NCKAP5: variants seen among roughly 807,000 people sequenced by gnomAD.
The protein encoded by NCKAP5 is NCK associated protein 5, also known as nck-associated protein 5.
NCKAP5 carries 92 observed loss-of-function variants against 167.0 expected under a neutral mutation model. The ratio of observed to expected loss-of-function variants is 0.55; its 90% CI spans 0.47 to 0.66. The LOEUF (loss-of-function observed/expected upper bound fraction) is 0.66. Among genes scored for constraint, NCKAP5 ranks in the 30% least tolerant of loss-of-function variants. The probability of loss-of-function intolerance (pLI) is 0.00; values close to 1 mark genes in which losing one functional copy is unlikely to be tolerated. For synonymous variants in NCKAP5, 891 were observed against 877.4 expected, an observed-to-expected ratio of 1.02 and a Z score of -0.27; for missense variants, 2,378 against 2,315.0, an observed-to-expected ratio of 1.03 and a Z score of -0.56.
chr2:133,080,472 G>A (rs2080764241), intron 6 of NCKAP5, among the ~76,000 whole-genome samples: 1 of 152,162 alleles, frequency 6.6e-6, no homozygotes, highest in Non-Finnish European at 1.5e-5. Context: ...TGTAAATAAA[G>A]TTTAATTGGA....
At chr2:133,357,146 C>T (rs762704118) in intron 3 of NCKAP5, among the ~76,000 whole-genome samples, 34 of 152,130 alleles carry the variant, frequency 2.2e-4, no homozygotes, top group Non-Finnish European at 8.8e-5. Flanking sequence ...CTAGTGGGCC[C>T]TCAAAAATAT....
intron 6 of NCKAP5, among the ~76,000 whole-genome samples, chr2:133,078,632 A>G (rs1170522215): frequency 6.6e-6 from 1 of 152,130 alleles, no homozygotes; most frequent in Non-Finnish European, 1.5e-5. Flanking sequence ...CAAGACAAGG[A>G]GAATGAGACA....
intron 11 of NCKAP5, among the ~76,000 whole-genome samples, chr2:132,837,368 T>A (rs2105399617): frequency 6.6e-6 from 1 of 152,296 alleles, no homozygotes; most frequent in African/African-American, 2.4e-5. Flanking sequence ...CTATTATTCT[T>A]ATGGCTACAC....
At chr2:133,394,122 A>C (rs1292758250) in intron 3 of NCKAP5, among the ~76,000 whole-genome samples, 1 of 152,230 alleles carries the variant, frequency 6.6e-6, no homozygotes. Context: ...ATAAGCAATA[A>C]AATGATTTGG....
intron 5 of NCKAP5, among the ~76,000 whole-genome samples, chr2:133,188,235 A>C (rs1363915946): frequency 6.6e-6 from 1 of 152,094 alleles, no homozygotes; most frequent in Non-Finnish European, 1.5e-5. Context: ...AGAGCTAACT[A>C]TCCTAAATAT....
At position 133,116,391 on chromosome 2, in the gene NCKAP5, G is replaced by A. The variant is rs557692836; in HGVS notation, c.341+13587C>T. On this transcript the variant is annotated intron_variant, in intron 6 of 19. Coordinates refer to ENST00000409261, the MANE Select transcript of NCKAP5 (RefSeq NM_207363.3). The stretch of plus-strand genomic sequence containing the variant: ...TAGTCCCAGCTACTCGGGAGGCTGA[G>A]GCAGGAGAATGGCGTGAACCCGGGA... 4.6e-4 allele frequency among the ~76,000 whole-genome samples: 57 copies of A among 122,708 alleles called. 5 individuals carry two copies. The South Asian group carries it at 7.9e-3, about 17-fold the overall frequency. 80.5% of individuals were successfully genotyped at this position (122,708 alleles called of 152,430 possible). A position where few individuals can be genotyped will look rare whatever the true frequency, so the allele number is the denominator to read the frequency against.
At chr2:133,053,130 C>T (rs180937468) in intron 6 of NCKAP5, among the ~76,000 whole-genome samples, 2 of 152,282 alleles carry the variant, frequency 1.3e-5, no homozygotes, top group East Asian at 3.9e-4. Context: ...GCCCCTCCTG[C>T]CCTTCATTTG....
At chr2:133,231,575 G>A (rs1173211803) in intron 4 of NCKAP5, among the ~76,000 whole-genome samples, 1 of 152,040 alleles carries the variant, frequency 6.6e-6, no homozygotes, top group East Asian at 1.9e-4. Context: ...GCTTTATTTG[G>A]TACTTACTTG....
chr2:133,247,053 C>T (rs1269891311), intron 4 of NCKAP5, among the ~76,000 whole-genome samples: 1 of 152,142 alleles, frequency 6.6e-6, no homozygotes, highest in East Asian at 1.9e-4. Context: ...GTTGTGAGGC[C>T]TTGCAAATAG....
intron 5 of NCKAP5, among the ~76,000 whole-genome samples, chr2:133,151,498 C>T (rs1405486370): frequency 6.6e-6 from 1 of 152,028 alleles, no homozygotes; most frequent in Non-Finnish European, 1.5e-5. Context: ...GAAAGAACAC[C>T]TCACCAAAGG....
chr2:133,287,692 A>T (rs566733176), intron 4 of NCKAP5, among the ~76,000 whole-genome samples: 1 of 152,292 alleles, frequency 6.6e-6, no homozygotes, highest in Admixed American at 6.5e-5. Context: ...CAAGATATAC[A>T]TCATTATGTA....
intron 3 of NCKAP5, among the ~76,000 whole-genome samples, chr2:133,461,099 A>G (rs2151232370): frequency 6.6e-6 from 1 of 152,298 alleles, no homozygotes; most frequent in African/African-American, 2.4e-5. Context: ...TACTGCAGCC[A>G]AAGGGAGATG....
intron 4 of NCKAP5, among the ~76,000 whole-genome samples, chr2:133,222,037 A>T (rs956450775): frequency 1.3e-5 from 2 of 152,328 alleles, no homozygotes; most frequent in Admixed American, 1.3e-4. Context: ...TATGTCAGGC[A>T]CTATTCTAAA....
chr2:132,848,500 A>C (rs1688835416), intron 11 of NCKAP5, among the ~76,000 whole-genome samples: 2 of 152,342 alleles, frequency 1.3e-5, no homozygotes, highest in Admixed American at 6.5e-5. Flanking sequence ...TTATTGGAAC[A>C]CATCTGTATG....
chr2:132,963,551 GTGCTAACTTTT>G (rs1288853085), intron 8 of NCKAP5, among the ~76,000 whole-genome samples, 158 bp downstream of exon 8: 6 of 152,128 alleles, frequency 3.9e-5, no homozygotes, highest in Non-Finnish European at 7.4e-5. Flanking sequence ...GACCCTTTCA[GTGCTAACTTTT>G]TGCTCATTGT....
At chr2:132,850,684 T>C (rs1689008645) in intron 11 of NCKAP5, among the ~76,000 whole-genome samples, 1 of 151,728 alleles carries the variant, frequency 6.6e-6, no homozygotes, top group Non-Finnish European at 1.5e-5. Flanking sequence ...GCTACCTTAG[T>C]ACAGCACATG....
chr2:133,355,752 A>T (rs763506190), intron 3 of NCKAP5, among the ~76,000 whole-genome samples: 19 of 152,180 alleles, frequency 1.2e-4, no homozygotes, highest in Non-Finnish European at 2.2e-4. Flanking sequence ...AGCCTTCTTA[A>T]ATTCGACCTA....
At chr2:133,292,892 A>G (rs1176452979) in intron 4 of NCKAP5, among the ~76,000 whole-genome samples, 1 of 152,220 alleles carries the variant, frequency 6.6e-6, no homozygotes, top group African/African-American at 2.4e-5. Context: ...TTTATTAACT[A>G]TAAAGATCCT....
chr2:133,021,906 C>A (rs1361213050), intron 6 of NCKAP5, among the ~76,000 whole-genome samples: 3 of 152,212 alleles, frequency 2.0e-5, no homozygotes, highest in African/African-American at 7.2e-5. Flanking sequence ...GCTGGGATTA[C>A]AGGAGTGAGG....
Sources: allele counts gnomAD v4.1 joint callset (sites outside exome capture counted in the v4.1 genomes callset), GRCh38; gene constraint gnomAD v4.1.1; transcripts MANE v1.5; gene names NCBI Gene and HGNC (gene_info 2026-07-23, HGNC 2026-07-21).